The following MAPK14 variants were observed in gnomAD, a reference collection of about 807,000 sequenced individuals.
MAPK14 encodes CSAID-binding protein.
In MAPK14, 16 loss-of-function variants were observed where a neutral mutation model predicts 49.6. The ratio of observed to expected loss-of-function variants is 0.32; its 90% confidence interval spans 0.22 to 0.49. The LOEUF (loss-of-function observed/expected upper bound fraction) is 0.49, where lower values mean the gene tolerates loss of function less well. Ranked by LOEUF, MAPK14 falls within the 20% of genes least tolerant of loss-of-function variation. The probability of loss-of-function intolerance (pLI) is 0.99; values close to 1 mark genes in which losing one functional copy is unlikely to be tolerated. For synonymous variants in MAPK14, 142 were observed against 158.0 expected, an observed-to-expected ratio of 0.90 and a Z score of 0.76; for missense variants, 200 against 441.2, an observed-to-expected ratio of 0.45 and a Z score of 4.90.
At chr6:36,066,502 A>C (rs536302572) in intron 3 of MAPK14, among the ~76,000 whole-genome samples, 136 of 152,276 alleles carry the variant, frequency 8.9e-4, no homozygotes, top group Non-Finnish European at 1.5e-3. Flanking sequence ...AGGGTGCTGC[A>C]TGAAACTCAG....
intron 4 of MAPK14, 156 bp downstream of exon 4, chr6:36,073,140 C>T (rs1764376239): frequency 4.7e-6 from 3 of 631,682 alleles, no homozygotes; most frequent in Non-Finnish European, 8.5e-6. Context: ...CTGCCATGTT[C>T]ACTCAGTGAC....
At chr6:36,100,181 A>C (rs201227594) in intron 9 of MAPK14, 1 of 1,594,572 alleles carries the variant, frequency 6.3e-7, no homozygotes, top group Non-Finnish European at 8.6e-7. Flanking sequence ...TTGACTAGGC[A>C]TCTAAGATAT....
chr6:36,038,721 T>A (rs1177900972), intron 1 of MAPK14, among the ~76,000 whole-genome samples: 1 of 152,066 alleles, frequency 6.6e-6, no homozygotes, highest in African/African-American at 2.4e-5. Flanking sequence ...CCCTAGAAAT[T>A]TAGGGTATTC....
intron 1 of MAPK14, among the ~76,000 whole-genome samples, chr6:36,030,804 G>C (rs974269029): frequency 1.3e-5 from 2 of 151,754 alleles, no homozygotes; most frequent in African/African-American, 2.4e-5. Context: ...CAGAGAGGCA[G>C]TTTTTTTTAT....
Position 36,110,246 on chromosome 6 carries a change from T to C in MAPK14, c.*1799T>C, listed in dbSNP as rs1463071311. ...TTCTCAATCAGTGCAGTGATACATG[T>C]ACTCCAGAGGGACAGGGTGGACCCC... On this transcript the variant is annotated 3_prime_UTR_variant, in exon 12 of 12. Coordinates refer to ENST00000229794, the MANE Select transcript of MAPK14 (RefSeq NM_139012.3). 1 of 152,390 alleles carries C rather than the reference T, an allele frequency of 6.6e-6. No individual in the cohort carries two copies. The highest frequency in any genetic ancestry group is 1.9e-4 in the East Asian group (1 of 5,204). 9.4% of individuals were successfully genotyped at this position (152,390 alleles called of 1,614,324 possible).
intron 8 of MAPK14, among the ~76,000 whole-genome samples, chr6:36,082,672 G>A (rs1412448232): frequency 1.3e-5 from 2 of 152,138 alleles, no homozygotes; most frequent in Admixed American, 1.3e-4. Context: ...ACTCATTAAT[G>A]TGGGGAGGGA....
At chr6:36,091,599 A>G (rs1279782188) in intron 8 of MAPK14, among the ~76,000 whole-genome samples, 1 of 152,210 alleles carries the variant, frequency 6.6e-6, no homozygotes, top group Non-Finnish European at 1.5e-5. Flanking sequence ...TAGTGGCCTT[A>G]TAGTAGCTGG....
intron 3 of MAPK14, among the ~76,000 whole-genome samples, chr6:36,064,528 T>A (rs1224388152): frequency 3.9e-5 from 6 of 152,198 alleles, no homozygotes; most frequent in African/African-American, 1.4e-4. Flanking sequence ...TCTACCATGA[T>A]AGAAGGGAAG....
intron 1 of MAPK14, among the ~76,000 whole-genome samples, chr6:36,032,052 G>T (rs1187300072): frequency 6.6e-6 from 1 of 152,000 alleles, no homozygotes; most frequent in Non-Finnish European, 1.5e-5. Flanking sequence ...GAAGTGCTGG[G>T]ATTATAGGGA....
chr6:36,098,050 G>A (rs1765506845), intron 9 of MAPK14: 5 of 151,552 alleles, frequency 3.3e-5, no homozygotes, highest in Admixed American at 3.3e-4. Context: ...CATGATGTAT[G>A]GGAACAGAAT....
At chr6:36,116,924 T>TA in the MAPK14 span, among the ~76,000 whole-genome samples, 5 of 152,250 alleles carry the variant, frequency 3.3e-5, no homozygotes, top group Non-Finnish European at 5.9e-5. Flanking sequence ...TTCAACAGAC[T>TA]ATCCTGATAT....
intron 3 of MAPK14, among the ~76,000 whole-genome samples, chr6:36,061,975 A>T (rs1451469257): frequency 6.6e-6 from 1 of 152,020 alleles, no homozygotes; most frequent in Admixed American, 6.5e-5. Flanking sequence ...TAGTTATTTC[A>T]GTGTTTTCTT....
At chr6:36,123,800 C>G in the MAPK14 span, among the ~76,000 whole-genome samples, 2 of 152,180 alleles carry the variant, frequency 1.3e-5, no homozygotes, top group Non-Finnish European at 2.9e-5. Flanking sequence ...GGCACCAGAC[C>G]TTACCCCAGC....
chr6:36,066,769 T>C (rs1372395524), intron 3 of MAPK14, among the ~76,000 whole-genome samples: 1 of 152,100 alleles, frequency 6.6e-6, no homozygotes, highest in Non-Finnish European at 1.5e-5. Context: ...TATGTGTGTA[T>C]GTGTGTATGT....
rs7741050 is a variant in MAPK14 at position 36,091,518 on chromosome 6, G to A, written c.683-4469G>A. ...GGAAATAACTGATTGTCATGATGTG[G>A]TGAGTTTTGCTTTACTCCGCTAATG... On this transcript the variant is annotated intron_variant, in intron 8 of 11. Transcript: ENST00000229794. Among the ~76,000 whole-genome samples the A allele has an allele frequency of 4.9e-3, 558 of 114,010 alleles. 4 individuals carry two copies. Among genetic ancestry groups the A allele is most frequent in the African/African-American group, 0.022 (523 of 24,200 alleles). The allele number at this position is 114,010 out of a possible 152,430, so 74.8% of individuals were successfully genotyped here. A position where few individuals can be genotyped will look rare whatever the true frequency, so the allele number is the denominator to read the frequency against.
intron 2 of MAPK14, among the ~76,000 whole-genome samples, chr6:36,058,392 A>C (rs930655060): frequency 6.6e-6 from 1 of 152,214 alleles, no homozygotes; most frequent in Non-Finnish European, 1.5e-5. Flanking sequence ...AAGGACCCTA[A>C]ATCTTTTTGC....
intron 1 of MAPK14, among the ~76,000 whole-genome samples, chr6:36,051,094 GC>G (rs2127415442): frequency 6.6e-6 from 1 of 151,816 alleles, no homozygotes; most frequent in South Asian, 2.1e-4. Flanking sequence ...AATGGAACTG[GC>G]CCAGACAATT....
intron 10 of MAPK14, among the ~76,000 whole-genome samples, chr6:36,105,004 C>T (rs753342840): frequency 1.3e-5 from 2 of 152,154 alleles, no homozygotes; most frequent in South Asian, 2.1e-4. Context: ...TTTAAACGTG[C>T]CTTACAGCCC....
Position 36,108,567 on chromosome 6 carries a change from G to GGTGTGCGTGC in MAPK14, c.*135_*144dup. ...AGAGATTTCCTCCATGGTGGAAGGG[G>GGTGTGCGTGC]GTGTGCGTGCGTGTGCGTGCGTGTT... On this transcript the variant is annotated 3_prime_UTR_variant, in exon 12 of 12. Coordinates refer to ENST00000229794, the MANE Select transcript of MAPK14 (RefSeq NM_139012.3). The GGTGTGCGTGC allele has an allele frequency of 3.8e-6, 3 of 786,152 alleles. No individual in the cohort carries two copies. The highest frequency in any genetic ancestry group is 6.7e-6 in the Non-Finnish European group (3 of 448,952). The allele number at this position is 786,152 out of a possible 1,614,324, so 48.7% of individuals were successfully genotyped here.
Sources: allele counts gnomAD v4.1 joint callset (sites outside exome capture counted in the v4.1 genomes callset), GRCh38; gene constraint gnomAD v4.1.1; transcripts MANE v1.5; gene names NCBI Gene and HGNC (gene_info 2026-07-23, HGNC 2026-07-21).